ACAP1: variants seen among roughly 807,000 people sequenced by gnomAD.
The protein encoded by ACAP1 is ArfGAP with coiled-coil, ankyrin repeat and PH domains 1.
Under a neutral mutation model 98.8 loss-of-function variants are expected in ACAP1, and 45 were observed. That is an observed-to-expected ratio of 0.46 (90% CI 0.36 to 0.58). The LOEUF (loss-of-function observed/expected upper bound fraction) is 0.58. Among genes scored for constraint, ACAP1 ranks in the 20% least tolerant of loss-of-function variants. ACAP1 has a pLI of 0.00. For synonymous variants in ACAP1, 362 were observed against 375.3 expected (o/e 0.96, Z 0.41); for missense variants, 735 against 971.4 (o/e 0.76, Z 3.24).
intron 2 of ACAP1, among the ~76,000 whole-genome samples, chr17:7,339,009 G>A (rs902880534): frequency 6.6e-6 from 1 of 151,882 alleles, no homozygotes; most frequent in East Asian, 1.9e-4. Context: ...CAATAAACTC[G>A]GCCAGGTGTG....
chr17:7,350,074 G>A lies in ACAP1; in HGVS notation c.1961+20G>A, dbSNP rs747302024. ...CACGGGGTAGGGATGATGGCATGGG[G>A]AGGAAGGCTGGGAGAAGTTGGGCGG... On this transcript the variant is annotated intron_variant, in intron 19 of 21. Transcript: ENST00000158762. This position sits in a 1 kb window ranked among gnomAD's most constrained non-coding sequence, Gnocchi z 4.6. 6 of 1,613,224 alleles carry A rather than the reference G, an allele frequency of 3.7e-6. No homozygotes were observed. The African/African-American group carries it at 6.7e-5, about 18-fold the overall frequency.
At position 7,347,755 on chromosome 17, in the gene ACAP1, A is replaced by G. The variant is rs1410291609; in HGVS notation, c.1344-167A>G. ...GGCAGAGTCCTGCCAGGGCCAGGTC[A>G]AGGCTACATGGCGGTTACATGGCCG... is the stretch of plus-strand genomic sequence containing the variant. On this transcript the variant is annotated intron_variant, in intron 14 of 21. Coordinates refer to ENST00000158762, the MANE Select transcript of ACAP1 (RefSeq NM_014716.4). 4.8e-6 allele frequency: 3 copies of G among 621,038 alleles called. No individual in the cohort carries two copies. The African/African-American group carries it at 5.5e-5, about 11-fold the overall frequency. 38.5% of individuals were successfully genotyped at this position (621,038 alleles called of 1,614,324 possible). A position where few individuals can be genotyped will look rare whatever the true frequency, so the allele number is the denominator to read the frequency against.
In ACAP1 at chr17:7,351,422, C is replaced by A; in HGVS notation, c.*27C>A. The stretch of plus-strand genomic sequence containing the variant: ...CCGAGGCCCACGGGGCCCGCGCCTG[C>A]CTCCCTTCCCCGCCACCGGGCCCTC... On this transcript the variant is annotated 3_prime_UTR_variant, in exon 22 of 22. Transcript: ENST00000158762. The A allele has an allele frequency of 2.0e-6, 3 of 1,537,752 alleles. No individual in the cohort carries two copies. Among genetic ancestry groups the A allele is most frequent in the Non-Finnish European group, 2.7e-6 (3 of 1,120,840 alleles).
At chr17:7,339,070 C>T (rs2073249412) in intron 2 of ACAP1, among the ~76,000 whole-genome samples, 1 of 151,218 alleles carries the variant, frequency 6.6e-6, no homozygotes, top group African/African-American at 2.4e-5. Flanking sequence ...GTGGGCGGAT[C>T]ACGAGGTCAG....
At chr17:7,340,232 A>G (rs974169733) in intron 2 of ACAP1, among the ~76,000 whole-genome samples, 4 of 152,162 alleles carry the variant, frequency 2.6e-5, no homozygotes, top group Non-Finnish European at 5.9e-5. Context: ...TGATCCCACC[A>G]CTGCACTCCA....
At chr17:7,347,901 C>A (rs1341837533) in intron 14 of ACAP1, 21 bp from the exon 15 acceptor site, 1 of 1,610,666 alleles carries the variant, frequency 6.2e-7, no homozygotes, top group Non-Finnish European at 8.5e-7. Flanking sequence ...AGGGCCTGAC[C>A]CTCCCCCTCT....
intron 2 of ACAP1, among the ~76,000 whole-genome samples, chr17:7,341,131 A>G (rs2143016298): frequency 6.6e-6 from 1 of 152,354 alleles, no homozygotes; most frequent in East Asian, 1.9e-4. Flanking sequence ...AACTCCTAGC[A>G]GTAAATACTA....
At position 7,348,646 on chromosome 17, in the gene ACAP1, A is replaced by G; in HGVS notation, c.1678+171A>G. The G allele has an allele frequency of 3.9e-6, 3 of 766,238 alleles. No individual in the cohort carries two copies. The South Asian group carries it at 7.4e-5, about 19-fold the overall frequency. The allele number at this position is 766,238 out of a possible 1,614,324, so 47.5% of individuals were successfully genotyped here. A position where few individuals can be genotyped will look rare whatever the true frequency, so the allele number is the denominator to read the frequency against. ...GAGTGTGACATTAAGAATGAGAAGG[A>G]ATGTGGGGCTGGGCGTGGGCAGGGA... is the stretch of plus-strand genomic sequence containing the variant. On this transcript the variant is annotated intron_variant, in intron 17 of 21. Transcript: ENST00000158762.
chr17:7,346,318 T>G, intron 11 of ACAP1, 23 bp downstream of exon 11: 1 of 1,614,048 alleles, frequency 6.2e-7, no homozygotes, highest in African/African-American at 1.3e-5. Context: ...GGGTCCTGGA[T>G]GCCTGGGCCC....
chr17:7,351,153 C>T (rs1772288701), intron 21 of ACAP1, 142 bp from the exon 22 acceptor site: 1 of 1,101,522 alleles, frequency 9.1e-7, no homozygotes, highest in African/African-American at 1.6e-5. Flanking sequence ...CCTGGCAAGG[C>T]ATAGGTGCTG....
chr17:7,349,734 C>T (rs757620128), intron 18 of ACAP1: 103 of 490,324 alleles, frequency 2.1e-4, no homozygotes, highest in Middle Eastern at 1.0e-3. Flanking sequence ...TAGTAACATA[C>T]CTCAAAAGCT....
intron 2 of ACAP1, among the ~76,000 whole-genome samples, chr17:7,339,593 C>T (rs1018993034): frequency 6.6e-6 from 1 of 151,534 alleles, no homozygotes; most frequent in Non-Finnish European, 1.5e-5. Flanking sequence ...CTGCGGAGGT[C>T]GCAATGAGCC....
rs1389075812 is a variant in ACAP1 at position 7,350,906 on chromosome 17, G to A, written c.2073-44G>A. Reference sequence around the variant, plus strand: ...ATTACAGGCGTGAGCCACCGCGCCCGGCCAAAGATAGTGTCGTTCATTTCT... The same window carrying A: ...ATTACAGGCGTGAGCCACCGCGCCCAGCCAAAGATAGTGTCGTTCATTTCT... On this transcript the variant is annotated intron_variant, in intron 20 of 21. Coordinates refer to ENST00000158762, the MANE Select transcript of ACAP1 (RefSeq NM_014716.4). This position sits in a 1 kb window ranked among gnomAD's most constrained non-coding sequence, Gnocchi z 4.6. 3 of 1,609,746 alleles carry A rather than the reference G, an allele frequency of 1.9e-6. No individual in the cohort carries two copies. The highest frequency in any genetic ancestry group is 1.7e-5 in the Admixed American group (1 of 59,946).
chr17:7,350,684 C>T lies in ACAP1; in HGVS notation c.2073-266C>T, dbSNP rs141014150. 594 of 461,320 alleles carry T rather than the reference C, an allele frequency of 1.3e-3. 2 individuals are homozygous for T. The East Asian group carries it at 0.02, about 16-fold the overall frequency. The allele number at this position is 461,320 out of a possible 1,614,324, so 28.6% of individuals were successfully genotyped here. A position where few individuals can be genotyped will look rare whatever the true frequency, so the allele number is the denominator to read the frequency against. On this transcript the variant is annotated intron_variant, in intron 20 of 21. Transcript: ENST00000158762. The surrounding 1 kb of genome is among the most constrained non-coding windows in gnomAD (Gnocchi z 4.6). The stretch of plus-strand genomic sequence containing the variant: ...AGTGCAGGGGCGCGATCTCGGCTCA[C>T]TGCAACCCCCGCCTCCCGGGTTCAA...
Position 7,349,942 on chromosome 17 carries a change from C to A in ACAP1, c.1852-3C>A. On this transcript the variant is annotated splice_region_variant and splice_polypyrimidine_tract_variant and intron_variant, in intron 18 of 21. Transcript: ENST00000158762. ...AACCCCCCTTCTCGACTTCTCCATG[C>A]AGAATTCTCTTCTGGCCTGTGAGTT... The A allele has an allele frequency of 6.2e-7, 1 of 1,600,848 alleles. No individual in the cohort carries two copies.
In ACAP1 at chr17:7,350,581, A is replaced by C; in HGVS notation, c.2072+344A>C. ...AACGGAACGCAACCCAGCTCAAAGG[A>C]TGGGAAGTTGTGGGGGAGGTGAGGA... On this transcript the variant is annotated intron_variant, in intron 20 of 21. Coordinates refer to ENST00000158762, the MANE Select transcript of ACAP1 (RefSeq NM_014716.4). This position sits in a 1 kb window ranked among gnomAD's most constrained non-coding sequence, Gnocchi z 4.6. 2.4e-6 allele frequency: 1 copy of C among 410,882 alleles called. No homozygotes were observed. Among genetic ancestry groups the C allele is most frequent in the Non-Finnish European group, 4.4e-6 (1 of 227,046 alleles). The allele number at this position is 410,882 out of a possible 1,614,324, so 25.5% of individuals were successfully genotyped here. A position where few individuals can be genotyped will look rare whatever the true frequency, so the allele number is the denominator to read the frequency against.
At chr17:7,346,678 C>A in intron 12 of ACAP1, 130 bp from the exon 13 acceptor site, 2 of 1,222,936 alleles carry the variant, frequency 1.6e-6, no homozygotes, top group Non-Finnish European at 1.2e-6. Context: ...AGAATATTAC[C>A]AACTGGTACA....
chr17:7,347,845 G>A (rs1180118129), intron 14 of ACAP1, 77 bp from the exon 15 acceptor site: 12 of 1,302,138 alleles, frequency 9.2e-6, no homozygotes, highest in Non-Finnish European at 1.3e-5. Context: ...GCCTCCCAGT[G>A]TCTTCAGGAG....
intron 18 of ACAP1, 28 bp downstream of exon 18, chr17:7,349,195 C>A: frequency 6.2e-7 from 1 of 1,611,428 alleles, no homozygotes; most frequent in East Asian, 2.2e-5. Flanking sequence ...CTCTCCACCC[C>A]ACCCTAGGGC....
Sources: gnomAD v4.1 joint callset for allele counts (sites outside exome capture counted in the v4.1 genomes callset) on GRCh38, gnomAD v4.1.1 for gene constraint, Gnocchi (gnomAD v3.1) non-coding constraint, MANE v1.5 for transcripts, NCBI Gene and HGNC (gene_info 2026-07-23, HGNC 2026-07-21) for gene names.